The following RPL8 variants were observed in gnomAD, a reference collection of about 807,000 sequenced individuals.
RPL8 encodes the protein ribosomal protein L8.
For missense variants in RPL8, 248 were observed against 365.9 expected, an observed-to-expected ratio of 0.68 and a Z score of 2.63; for synonymous variants, 182 against 143.2, an observed-to-expected ratio of 1.27 and a Z score of -1.94.
In RPL8 at chr8:144,791,829, A is replaced by G; in HGVS notation, c.224T>C (p.Leu75Pro). 1.9e-6 allele frequency: 3 copies of G among 1,613,926 alleles called. No homozygotes were observed. Among genetic ancestry groups the G allele is most frequent in the Non-Finnish European group, 2.5e-6 (3 of 1,180,016 alleles). Residue 75 changes from leucine to proline, a missense_variant, in exon 2 of 5, where the codon CTG becomes CCG. Coordinates refer to ENST00000528957, the MANE Select transcript of RPL8 (RefSeq NM_001317782.2). ...GTGAATGCCCTCGGCGGCAATGAAC[A>G]GCTCCGTCCGCTTCTTAAACCGATA... ...DPYRFKKRTE[L>P]FIAAEGIHTG... is the part of the protein sequence containing the mutation.
intron 4 of RPL8, among the ~76,000 whole-genome samples, 158 bp from the exon 5 acceptor site, chr8:144,790,120 C>T (rs1296221264): frequency 6.6e-6 from 1 of 152,170 alleles, no homozygotes; most frequent in East Asian, 1.9e-4. Context: ...CAGCTCAGGC[C>T]CCCACTGCCC....
At chr8:144,791,205 A>G in intron 3 of RPL8, 72 bp downstream of exon 3, 1 of 1,456,034 alleles carries the variant, frequency 6.9e-7, no homozygotes, top group East Asian at 2.3e-5. Context: ...AAGTCTAGCC[A>G]CTGGCTGTCC....
chr8:144,790,891 A>G, intron 3 of RPL8: 1 of 501,478 alleles, frequency 2.0e-6, no homozygotes, highest in Middle Eastern at 3.0e-4. Flanking sequence ...CAAACAGCAC[A>G]GTGAGTTAAC....
chr8:144,790,869 C>T (rs1034694519), intron 3 of RPL8: 1 of 516,842 alleles, frequency 1.9e-6, no homozygotes, highest in African/African-American at 1.9e-5. Flanking sequence ...CACAAGGATT[C>T]CAAGATGTTC....
chr8:144,790,559 CT>C, intron 3 of RPL8, 89 bp from the exon 4 acceptor site: 1 of 985,046 alleles, frequency 1.0e-6, no homozygotes, highest in East Asian at 2.4e-5. Flanking sequence ...CTTCCCAATA[CT>C]GCATCCAACT....
intron 3 of RPL8, 194 bp downstream of exon 3, chr8:144,791,083 A>T: frequency 1.6e-6 from 1 of 608,526 alleles, no homozygotes; most frequent in East Asian, 2.8e-5. Context: ...CAACAGCAGT[A>T]AAGCAGGTAC....
At chr8:144,789,999 C>T (rs147621554) in intron 4 of RPL8, 37 bp from the exon 5 acceptor site, 15 of 1,569,690 alleles carry the variant, frequency 9.6e-6, no homozygotes, top group Non-Finnish European at 1.2e-5. Flanking sequence ...AAACCTCTTC[C>T]CCACCACCCC....
At chr8:144,790,768 C>T (rs987035183) in intron 3 of RPL8, 27 of 619,132 alleles carry the variant, frequency 4.4e-5, no homozygotes, top group Admixed American at 3.2e-4. Flanking sequence ...CTCAACCTGA[C>T]GTAAGACACT....
At chr8:144,791,956 G>A (rs1204251452) in intron 1 of RPL8, 36 bp downstream of exon 1, 1 of 1,609,820 alleles carries the variant, frequency 6.2e-7, no homozygotes, top group South Asian at 1.1e-5. Context: ...CCGGCCGGGC[G>A]TCCCTTCCCC....
chr8:144,791,236 C>G, intron 3 of RPL8, 41 bp downstream of exon 3: 2 of 1,586,344 alleles, frequency 1.3e-6, no homozygotes. Flanking sequence ...ACAGCATGTT[C>G]ACCCACAGCC....
rs1353741731 is a variant in RPL8, at chr8:144,791,703, G to A, written c.280+70C>T. Reference sequence around the variant, plus strand: ...CTGCGAGGTTCCCATATCGGCTTAGGACGTTAACTCCTCAGGCAACACCCA... The same window carrying A: ...CTGCGAGGTTCCCATATCGGCTTAGAACGTTAACTCCTCAGGCAACACCCA... On this transcript the variant is annotated intron_variant, in intron 2 of 4. Coordinates refer to ENST00000528957, the MANE Select transcript of RPL8 (RefSeq NM_001317782.2). 32 of 1,604,076 alleles carry A rather than the reference G, an allele frequency of 2.0e-5. No individual in the cohort carries two copies. In the Admixed American group the frequency reaches 2.7e-4, roughly 13 times the overall value.
chr8:144,791,906 G>C lies in RPL8; in HGVS notation c.147C>G (p.Ile49Met). The C allele has an allele frequency of 1.2e-6, 2 of 1,613,146 alleles. No homozygotes were observed. Among genetic ancestry groups the C allele is most frequent in the Non-Finnish European group, 1.7e-6 (2 of 1,179,896 alleles). Residue 49 changes from isoleucine (I) to methionine (M), a missense_variant, in exon 2 of 5, where the codon ATC (isoleucine) becomes ATG (methionine). Transcript: ENST00000528957. ...GYIKGIVKDI[I>M]HDPGRGAPLA... Reference sequence around the variant, plus strand: ...GGGGCGCGCCGCGGCCCGGGTCGTGGATGATGTCCTGTGGGCAGAGGCGGC... The same window carrying C: ...GGGGCGCGCCGCGGCCCGGGTCGTGCATGATGTCCTGTGGGCAGAGGCGGC...
chr8:144,791,728 A>C (rs1373374394), intron 2 of RPL8, 45 bp downstream of exon 2: 1 of 1,611,368 alleles, frequency 6.2e-7, no homozygotes, highest in Admixed American at 1.7e-5. Context: ...GGCAACACCC[A>C]GACCCCTCCC....
chr8:144,791,784 C>T lies in RPL8; in HGVS notation c.269G>A (p.Cys90Tyr). ...EGIHTGQFVY[C>Y]GKKAQLNIGN... is the part of the protein sequence containing the mutation. ...GCCGCGATGCTAACCCTTCTTGCCG[C>T]AATACACAAACTGGCCCGTGTGAAT... The change falls in exon 2 of 5, where the codon TGC becomes TAC. Residue 90 changes from cysteine to tyrosine, a missense_variant. Transcript: ENST00000528957. 1 of 1,613,944 alleles carries T rather than the reference C, an allele frequency of 6.2e-7. No homozygotes were observed. Among genetic ancestry groups the T allele is most frequent in the Non-Finnish European group, 8.5e-7 (1 of 1,180,018 alleles).
Position 144,791,173 on chromosome 8 carries a change from A to G in RPL8, c.499+104T>C, listed in dbSNP as rs557005140. 7.8e-5 allele frequency: 89 copies of G among 1,135,996 alleles called. No homozygotes were observed. In the African/African-American group the frequency reaches 1.3e-3, roughly 16 times the overall value. The allele number at this position is 1,135,996 out of a possible 1,614,324, so 70.4% of individuals were successfully genotyped here. On this transcript the variant is annotated intron_variant, in intron 3 of 4. Transcript: ENST00000528957. ...TACAGAACCCAAGTTTTAGAACAAC[A>G]GGTAATCGAATTCCAGGGACCAAGT...
chr8:144,791,710 A>C, intron 2 of RPL8, 63 bp downstream of exon 2: 3 of 1,605,866 alleles, frequency 1.9e-6, no homozygotes, highest in Non-Finnish European at 2.6e-6. Flanking sequence ...TAGGACGTTA[A>C]CTCCTCAGGC....
At chr8:144,791,648 C>A in intron 2 of RPL8, 125 bp downstream of exon 2, 1 of 1,529,316 alleles carries the variant, frequency 6.5e-7, no homozygotes, top group South Asian at 1.2e-5. Context: ...CTGGTCTGGC[C>A]ACGCGGATGT....
In RPL8 at chr8:144,790,524, C is replaced by T. The variant is rs1826468293; in HGVS notation, c.500-54G>A. On this transcript the variant is annotated intron_variant, in intron 3 of 4. Coordinates refer to ENST00000528957, the MANE Select transcript of RPL8 (RefSeq NM_001317782.2). ...CCCCAGTCGGTCAGAGCACCCCCAC[C>T]TCCCCTCAATCTCCTGTCATGCACC... 9.7e-6 allele frequency: 13 copies of T among 1,346,188 alleles called. 1 individual carries two copies. In the East Asian group the frequency reaches 3.0e-4, roughly 31 times the overall value. The allele number at this position is 1,346,188 out of a possible 1,614,324, so 83.4% of individuals were successfully genotyped here.
Position 144,792,114 on chromosome 8 carries a change from G to A in RPL8, c.16C>T (p.Arg6Cys), listed in dbSNP as rs1826555011. The change falls in exon 1 of 5, where the codon CGT (arginine) becomes TGT (cysteine). Residue 6 changes from arginine to cysteine, a missense_variant. Transcript: ENST00000528957. ...GACCCGGCGCCCTTCCTCTGTCCAC[G>A]GATCACACGGCCCATGGCGACGGGT... MGRVI[R>C]GQRKGAGSVF... is the part of the protein sequence containing the mutation. 1 of 1,564,210 alleles carries A rather than the reference G, an allele frequency of 6.4e-7. No individual in the cohort carries two copies. Among genetic ancestry groups the A allele is most frequent in the Non-Finnish European group, 8.6e-7 (1 of 1,158,566 alleles).
Sources: allele counts gnomAD v4.1 joint callset (sites outside exome capture counted in the v4.1 genomes callset), GRCh38; gene constraint gnomAD v4.1.1; transcripts MANE v1.5; gene names NCBI Gene and HGNC (gene_info 2026-07-23, HGNC 2026-07-21).